Variants in AKAP12 observed in about 807,000 individuals in gnomAD.
AKAP12 encodes A-kinase anchoring protein 12.
In AKAP12, 32 loss-of-function variants were observed where a neutral mutation model predicts 79.9. That is an observed-to-expected ratio of 0.40 (90% CI 0.30 to 0.54). AKAP12 has a LOEUF of 0.54. Ranked by LOEUF, AKAP12 falls within the 20% of genes least tolerant of loss-of-function variation. The probability of loss-of-function intolerance (pLI) is 0.48; values close to 1 mark genes in which losing one functional copy is unlikely to be tolerated. For synonymous variants in AKAP12, 808 were observed against 857.0 expected (o/e 0.94, Z 1.00); for missense variants, 2,074 against 2,177.0 (o/e 0.95, Z 0.94).
intron 2 of AKAP12, among the ~76,000 whole-genome samples, chr6:151,281,253 C>T (rs1262055361): frequency 6.6e-6 from 1 of 152,184 alleles, no homozygotes; most frequent in African/African-American, 2.4e-5. Context: ...TATGTTTTTA[C>T]AAGTTGTGCT....
chr6:151,273,349 G>C (rs996257893), intron 2 of AKAP12, among the ~76,000 whole-genome samples: 1 of 152,230 alleles, frequency 6.6e-6, no homozygotes, highest in African/African-American at 2.4e-5. Flanking sequence ...GAGTTTGACT[G>C]TTAGATGCTA....
At chr6:151,306,367 G>A (rs1434038291) in intron 3 of AKAP12, among the ~76,000 whole-genome samples, 1 of 152,168 alleles carries the variant, frequency 6.6e-6, no homozygotes, top group Non-Finnish European at 1.5e-5. Flanking sequence ...GGTTATTGAA[G>A]AGTGACCGTT....
intron 2 of AKAP12, among the ~76,000 whole-genome samples, chr6:151,273,767 C>T (rs990457134): frequency 2.0e-5 from 3 of 152,114 alleles, no homozygotes; most frequent in South Asian, 2.1e-4. Context: ...CAGTGGCTCA[C>T]GCCTGTAATC....
intron 3 of AKAP12, among the ~76,000 whole-genome samples, chr6:151,326,691 C>T (rs1203976725): frequency 1.3e-5 from 2 of 151,934 alleles, no homozygotes; most frequent in African/African-American, 4.8e-5. Context: ...GCCTAACCTG[C>T]GTATTTTCTC....
chr6:151,344,633 A>C (rs1308037935), intron 3 of AKAP12, among the ~76,000 whole-genome samples: 2 of 151,948 alleles, frequency 1.3e-5, no homozygotes, highest in African/African-American at 2.4e-5. Flanking sequence ...TCCCATGTTC[A>C]AGAGATTCTC....
Position 151,295,010 on chromosome 6 carries a change from T to C in AKAP12, c.163-10737T>C, listed in dbSNP as rs1345857798. Among the ~76,000 whole-genome samples the C allele has an allele frequency of 3.3e-5, 5 of 152,332 alleles. No homozygotes were observed. The East Asian group carries it at 5.8e-4, about 18-fold the overall frequency. On this transcript the variant is annotated intron_variant, in intron 2 of 4. Transcript: ENST00000402676. ...GTAAATCTGCTTAACTCTGTCTGCGTCAGAGTTTCCCAAGCTAACCTGGAG... is the reference window on the plus strand; with the variant it reads ...GTAAATCTGCTTAACTCTGTCTGCGCCAGAGTTTCCCAAGCTAACCTGGAG...
chr6:151,259,508 A>G (rs1199348095), intron 2 of AKAP12, among the ~76,000 whole-genome samples: 3 of 77,814 alleles, frequency 3.9e-5, no homozygotes, highest in African/African-American at 1.2e-4. Context: ...ATGTATATAT[A>G]TATACACACA....
At chr6:151,336,980 T>C (rs940576891) in intron 3 of AKAP12, among the ~76,000 whole-genome samples, 2 of 152,154 alleles carry the variant, frequency 1.3e-5, no homozygotes, top group Admixed American at 6.6e-5. Context: ...TTAATTTTCT[T>C]CCCCTCTGCC....
At chr6:151,325,434 C>T (rs1777498114) in intron 3 of AKAP12, 1 of 985,408 alleles carries the variant, frequency 1.0e-6, no homozygotes, top group South Asian at 4.7e-5. Context: ...ATGCCCAGCA[C>T]CCTTTAAACC....
intron 2 of AKAP12, among the ~76,000 whole-genome samples, chr6:151,288,144 C>T (rs868647128): frequency 3.4e-4 from 51 of 151,608 alleles, no homozygotes; most frequent in African/African-American, 1.1e-3. Context: ...AGCAAATCAC[C>T]ATGGCACGTG....
At chr6:151,293,353 C>G (rs1228741318) in intron 2 of AKAP12, among the ~76,000 whole-genome samples, 1 of 152,216 alleles carries the variant, frequency 6.6e-6, no homozygotes, top group Non-Finnish European at 1.5e-5. Context: ...ACAGAAAAAA[C>G]TAGTCATGAG....
At chr6:151,338,695 T>C (rs1777876147) in intron 3 of AKAP12, among the ~76,000 whole-genome samples, 1 of 152,120 alleles carries the variant, frequency 6.6e-6, no homozygotes, top group African/African-American at 2.4e-5. Context: ...AGGTGATCCG[T>C]CTACCTTGCA....
chr6:151,277,552 A>T (rs1776309916), intron 2 of AKAP12, among the ~76,000 whole-genome samples: 1 of 152,234 alleles, frequency 6.6e-6, no homozygotes, highest in Admixed American at 6.5e-5. Context: ...GTGCTTGGTA[A>T]ATGATAGATG....
At chr6:151,310,868 A>G (rs1195234241) in intron 3 of AKAP12, among the ~76,000 whole-genome samples, 1 of 152,232 alleles carries the variant, frequency 6.6e-6, no homozygotes, top group Non-Finnish European at 1.5e-5. Flanking sequence ...GAGTACGTAC[A>G]GCAAACATTT....
intron 3 of AKAP12, among the ~76,000 whole-genome samples, chr6:151,315,166 G>A (rs1183764060): frequency 6.6e-6 from 1 of 152,070 alleles, no homozygotes; most frequent in Non-Finnish European, 1.5e-5. Flanking sequence ...AATTATTTTA[G>A]CTGTGTCTTA....
At chr6:151,288,622 C>A (rs1776553964) in intron 2 of AKAP12, among the ~76,000 whole-genome samples, 1 of 152,134 alleles carries the variant, frequency 6.6e-6, no homozygotes, top group Admixed American at 6.6e-5. Context: ...TTACAGAGAG[C>A]CCCTGAAGTA....
chr6:151,254,861 ATC>A (rs1797260981), intron 2 of AKAP12, among the ~76,000 whole-genome samples: 1 of 152,208 alleles, frequency 6.6e-6, no homozygotes, highest in African/African-American at 2.4e-5. Context: ...CTGATAAACA[ATC>A]TCTGCATGAC....
intron 2 of AKAP12, among the ~76,000 whole-genome samples, chr6:151,276,758 A>G (rs1326390018): frequency 6.6e-6 from 1 of 152,242 alleles, no homozygotes; most frequent in Non-Finnish European, 1.5e-5. Flanking sequence ...CTAGCAAGTC[A>G]CTGATTGTGC....
Position 151,357,709 on chromosome 6 carries a change from ATTTTTTTTTTTT to A in AKAP12, c.*2005_*2016del, listed in dbSNP as rs33929436. On this transcript the variant is annotated 3_prime_UTR_variant, in exon 5 of 5. Transcript: ENST00000402676. ...AAAAAACCTCTGATATATATATATAATTTTTTTTTTTTTTTTTTTTTGGCCAACTGAGATTGA... is the reference window on the plus strand; with the variant it reads ...AAAAAACCTCTGATATATATATATAATTTTTTTTTGGCCAACTGAGATTGA... 9.7e-6 allele frequency: 1 copy of A among 102,700 alleles called. No individual in the cohort carries two copies. The highest frequency in any genetic ancestry group is 2.1e-5 in the Non-Finnish European group (1 of 47,758). The allele number at this position is 102,700 out of a possible 1,614,324, so 6.4% of individuals were successfully genotyped here.
Sources: gnomAD v4.1 joint callset for allele counts (sites outside exome capture counted in the v4.1 genomes callset) on GRCh38, gnomAD v4.1.1 for gene constraint, MANE v1.5 for transcripts, NCBI Gene and HGNC (gene_info 2026-07-23, HGNC 2026-07-21) for gene names.